TPRG1: variants seen among roughly 807,000 people sequenced by gnomAD.
TPRG1 encodes the protein tumor protein p63-regulated gene 1 protein.
TPRG1 carries 29 observed loss-of-function variants against 29.3 expected under a neutral mutation model. The ratio of observed to expected loss-of-function variants is 0.99; its 90% CI spans 0.74 to 1.35. The LOEUF (loss-of-function observed/expected upper bound fraction) is 1.35. Ranked by LOEUF, TPRG1 falls within the 40% of genes most tolerant of loss-of-function variation. The pLI is 0.00. For missense variants in TPRG1, 327 were observed against 335.0 expected (o/e 0.98, Z 0.19); for synonymous variants, 130 against 116.8 (o/e 1.11, Z -0.73).
intron 1 of TPRG1, among the ~76,000 whole-genome samples, chr3:189,000,571 C>T (rs1177723998): frequency 6.6e-6 from 1 of 151,904 alleles, no homozygotes. Flanking sequence ...AAATGGAACA[C>T]ACTCACCTCA....
chr3:189,006,330 G>A (rs569231716), intron 3 of TPRG1, among the ~76,000 whole-genome samples: 10 of 152,226 alleles, frequency 6.6e-5, no homozygotes, highest in Non-Finnish European at 1.5e-4. Flanking sequence ...GGGCCTAGAG[G>A]ATGTGAAAGG....
At chr3:189,018,781 G>T (rs1392234875) in intron 3 of TPRG1, among the ~76,000 whole-genome samples, 1 of 149,850 alleles carries the variant, frequency 6.7e-6, no homozygotes, top group African/African-American at 2.5e-5. Context: ...GTCATTGGTA[G>T]CTTGATGGGG....
At chr3:189,285,978 G>T (rs914743427) in intron 4 of TPRG1, among the ~76,000 whole-genome samples, 1 of 151,562 alleles carries the variant, frequency 6.6e-6, no homozygotes, top group East Asian at 1.9e-4. Flanking sequence ...CCTGAGTGAG[G>T]TCCCTGCTCT....
At chr3:189,101,780 A>T (rs1719232114) in intron 1 of TPRG1, among the ~76,000 whole-genome samples, 2 of 150,870 alleles carry the variant, frequency 1.3e-5, no homozygotes, top group African/African-American at 4.8e-5. Flanking sequence ...CAAATTAATA[A>T]TAAAAATAAT....
intron 2 of TPRG1, among the ~76,000 whole-genome samples, chr3:189,131,720 A>G (rs1723132428): frequency 6.6e-6 from 1 of 152,142 alleles, no homozygotes; most frequent in African/African-American, 2.4e-5. Flanking sequence ...TCCTTATCCT[A>G]TATTGGCTTT....
At chr3:189,143,087 G>A (rs1308818761) in intron 3 of TPRG1, among the ~76,000 whole-genome samples, 3 of 152,100 alleles carry the variant, frequency 2.0e-5, no homozygotes, top group Non-Finnish European at 2.9e-5. Context: ...TTTTAAACTC[G>A]ATTTTCATGT....
At chr3:189,241,039 A>G (rs1488101689) in intron 4 of TPRG1, among the ~76,000 whole-genome samples, 2 of 152,192 alleles carry the variant, frequency 1.3e-5, no homozygotes, top group African/African-American at 4.8e-5. Flanking sequence ...TTGCTACTAC[A>G]AAGTGCTGCT....
intron 4 of TPRG1, among the ~76,000 whole-genome samples, chr3:189,046,932 A>G (rs1715016018): frequency 6.6e-6 from 1 of 152,124 alleles, no homozygotes; most frequent in Non-Finnish European, 1.5e-5. Flanking sequence ...ACAAAACAAA[A>G]CGACAACAAT....
chr3:189,202,790 ATGCACGGGAAGC>A (rs1457426337), intron 1 of TPRG1, among the ~76,000 whole-genome samples: 1 of 152,148 alleles, frequency 6.6e-6, no homozygotes, highest in Non-Finnish European at 1.5e-5. Context: ...GGGACTGCTG[ATGCACGGGAAGC>A]TGGGGATTGG....
chr3:189,104,223 C>T (rs1199683099), intron 1 of TPRG1, among the ~76,000 whole-genome samples: 3 of 151,970 alleles, frequency 2.0e-5, no homozygotes, highest in African/African-American at 7.2e-5. Context: ...AGAAATTAAC[C>T]TCTTTGAGCC....
At chr3:189,245,777 C>G (rs189768231) in intron 4 of TPRG1, among the ~76,000 whole-genome samples, 1 of 152,076 alleles carries the variant, frequency 6.6e-6, no homozygotes, top group Non-Finnish European at 1.5e-5. Flanking sequence ...AAAAATCTAT[C>G]ACTGTGGAAT....
intron 4 of TPRG1, among the ~76,000 whole-genome samples, chr3:189,298,658 G>A (rs1421775243): frequency 1.3e-5 from 2 of 152,154 alleles, no homozygotes; most frequent in African/African-American, 4.8e-5. Context: ...CCCAACCCTT[G>A]CTCAACAGTT....
At chr3:189,033,890 A>G (rs1436240713) in intron 4 of TPRG1, among the ~76,000 whole-genome samples, 1 of 152,158 alleles carries the variant, frequency 6.6e-6, no homozygotes, top group Non-Finnish European at 1.5e-5. Context: ...CCTCTTAATA[A>G]AAGAAAAAAG....
At chr3:189,149,476 C>T (rs1725667345) in intron 4 of TPRG1, among the ~76,000 whole-genome samples, 1 of 152,136 alleles carries the variant, frequency 6.6e-6, no homozygotes, top group South Asian at 2.1e-4. Flanking sequence ...TCTGTGAAGA[C>T]ATGGAGCTTC....
intron 4 of TPRG1, among the ~76,000 whole-genome samples, chr3:189,030,808 T>G (rs1407516243): frequency 3.3e-5 from 5 of 152,190 alleles, no homozygotes; most frequent in Non-Finnish European, 2.9e-5. Flanking sequence ...GAATTAGCTT[T>G]CATTATTGTC....
intron 3 of TPRG1, among the ~76,000 whole-genome samples, chr3:189,226,827 A>G (rs1054762040): frequency 7.3e-5 from 11 of 151,454 alleles, no homozygotes; most frequent in Non-Finnish European, 1.5e-5. Context: ...AAGAAAAAAG[A>G]GGAGACACAA....
At chr3:189,269,314 T>G (rs1459092741) in intron 4 of TPRG1, among the ~76,000 whole-genome samples, 2 of 152,200 alleles carry the variant, frequency 1.3e-5, no homozygotes, top group Non-Finnish European at 2.9e-5. Flanking sequence ...GTCTCCATGA[T>G]TTTCTAAATC....
chr3:189,083,665 T>G (rs1717749990), intron 4 of TPRG1, among the ~76,000 whole-genome samples: 1 of 152,214 alleles, frequency 6.6e-6, no homozygotes, highest in Non-Finnish European at 1.5e-5. Flanking sequence ...ATTAATCTGT[T>G]GTCAGTTAAT....
At chr3:189,103,121 C>T (rs1385748532) in intron 1 of TPRG1, among the ~76,000 whole-genome samples, 1 of 152,174 alleles carries the variant, frequency 6.6e-6, no homozygotes, top group Non-Finnish European at 1.5e-5. Context: ...CCTCCAAATA[C>T]CTAGAGCCAG....
Sources: allele counts gnomAD v4.1 joint callset (sites outside exome capture counted in the v4.1 genomes callset), GRCh38; gene constraint gnomAD v4.1.1; transcripts MANE v1.5; gene names NCBI Gene and HGNC (gene_info 2026-07-23, HGNC 2026-07-21).